The following KLHL29 variants were observed in gnomAD, a reference collection of about 807,000 sequenced individuals.
KLHL29 encodes the protein kelch like family member 29, also known as kelch-like protein 29.
KLHL29 carries 21 observed loss-of-function variants against 80.4 expected under a neutral mutation model. The observed-to-expected ratio is 0.26, with a 90% CI of 0.19 to 0.38. KLHL29 has a LOEUF of 0.38. Among genes scored for constraint, KLHL29 ranks in the 10% least tolerant of loss-of-function variants. The pLI, the probability that KLHL29 is intolerant of heterozygous loss-of-function variation, is 1.00. For missense variants in KLHL29, 867 were observed against 1,223.9 expected (o/e 0.71, Z 4.35); for synonymous variants, 511 against 526.8 (o/e 0.97, Z 0.41).
chr2:23,446,849 A>AG, intron 1 of KLHL29, among the ~76,000 whole-genome samples: 1 of 152,340 alleles, frequency 6.6e-6, no homozygotes, highest in East Asian at 1.9e-4. Context: ...GAAGGAAGGG[A>AG]ATCACATAAG....
chr2:23,452,191 CTT>C (rs34487052), intron 1 of KLHL29, among the ~76,000 whole-genome samples: 5 of 140,450 alleles, frequency 3.6e-5, no homozygotes, highest in Admixed American at 2.8e-4. Context: ...AAATTTTTTT[CTT>C]TTTTTTTTTT....
intron 2 of KLHL29, among the ~76,000 whole-genome samples, chr2:23,559,713 C>T (rs192063604): frequency 6.6e-6 from 1 of 151,610 alleles, no homozygotes; most frequent in South Asian, 2.1e-4. Flanking sequence ...GGAAGGTGTG[C>T]GGCAGGCTGC....
chr2:23,409,943 G>C (rs1666822341), intron 1 of KLHL29, among the ~76,000 whole-genome samples: 1 of 152,182 alleles, frequency 6.6e-6, no homozygotes, highest in South Asian at 2.1e-4. Context: ...TGGGGAAGGA[G>C]CAGGGATGAT....
At chr2:23,519,463 A>C (rs1666032203) in intron 2 of KLHL29, among the ~76,000 whole-genome samples, 1 of 151,982 alleles carries the variant, frequency 6.6e-6, no homozygotes, top group Admixed American at 6.6e-5. Context: ...CACACCCTCC[A>C]ACTCTGGCCA....
intron 1 of KLHL29, among the ~76,000 whole-genome samples, chr2:23,415,255 G>A (rs1468357200): frequency 6.6e-6 from 1 of 152,212 alleles, no homozygotes; most frequent in Non-Finnish European, 1.5e-5. Context: ...TGCAAGACGG[G>A]CTTAGCTTCC....
At chr2:23,419,244 C>T (rs936245831) in intron 1 of KLHL29, among the ~76,000 whole-genome samples, 8 of 152,232 alleles carry the variant, frequency 5.3e-5, no homozygotes, top group African/African-American at 1.7e-4. Flanking sequence ...CTGGCCCCGC[C>T]CTCTGGCCAG....
chr2:23,666,434 C>T (rs577255329), intron 5 of KLHL29, among the ~76,000 whole-genome samples: 11 of 152,042 alleles, frequency 7.2e-5, no homozygotes, highest in Non-Finnish European at 1.6e-4. Flanking sequence ...CTATAGTGTG[C>T]GGTGACCTGT....
intron 6 of KLHL29, among the ~76,000 whole-genome samples, chr2:23,685,980 G>T (rs1290454590): frequency 6.6e-6 from 1 of 152,258 alleles, no homozygotes; most frequent in African/African-American, 2.4e-5. Context: ...GGTGAGAGGA[G>T]CACAGGGCCC....
At chr2:23,698,095 G>A (rs867336741) in intron 11 of KLHL29, among the ~76,000 whole-genome samples, 1 of 152,222 alleles carries the variant, frequency 6.6e-6, no homozygotes, top group Non-Finnish European at 1.5e-5. Context: ...CAGGGTCCTG[G>A]AGCAGTTCTC....
At chr2:23,630,821 T>C (rs1346710015) in intron 3 of KLHL29, among the ~76,000 whole-genome samples, 1 of 152,154 alleles carries the variant, frequency 6.6e-6, no homozygotes, top group Non-Finnish European at 1.5e-5. Flanking sequence ...CTGGCCCTTA[T>C]TATTCTCATC....
intron 2 of KLHL29, among the ~76,000 whole-genome samples, chr2:23,522,065 T>G (rs983345641): frequency 1.3e-5 from 2 of 152,228 alleles, no homozygotes; most frequent in Non-Finnish European, 2.9e-5. Context: ...TTAGAATTGT[T>G]TGCAAAGGAA....
intron 2 of KLHL29, among the ~76,000 whole-genome samples, chr2:23,519,530 C>T (rs1195615809): frequency 6.6e-6 from 1 of 152,150 alleles, no homozygotes; most frequent in East Asian, 1.9e-4. Flanking sequence ...TATTTAGGAG[C>T]TGTCAGCAGA....
At chr2:23,651,880 G>T (rs958690018) in intron 5 of KLHL29, among the ~76,000 whole-genome samples, 2 of 152,082 alleles carry the variant, frequency 1.3e-5, no homozygotes, top group Non-Finnish European at 2.9e-5. Context: ...CCTCTTCTTA[G>T]AAGGACAGCA....
intron 1 of KLHL29, among the ~76,000 whole-genome samples, chr2:23,386,262 T>C (rs1016703839): frequency 4.6e-5 from 7 of 152,060 alleles, no homozygotes; most frequent in African/African-American, 1.7e-4. Flanking sequence ...GGTGCGCGCC[T>C]CTGTGCAGCG....
chr2:23,441,150 TA>T (rs1663505881), intron 1 of KLHL29, among the ~76,000 whole-genome samples: 3 of 151,990 alleles, frequency 2.0e-5, no homozygotes, highest in Non-Finnish European at 2.9e-5. Context: ...TATGCAGCCA[TA>T]AAAAATGATG....
Position 23,525,629 on chromosome 2 carries a change from G to A in KLHL29, c.-45-36523G>A, listed in dbSNP as rs562525463. The stretch of plus-strand genomic sequence containing the variant: ...CCCAGACCCCCGTCCTGAGCTTGGC[G>A]GCGAGGGGCCTGGTTTTGCCCTGCC... On this transcript the variant is annotated intron_variant, in intron 2 of 13. Coordinates refer to ENST00000486442, the MANE Select transcript of KLHL29 (RefSeq NM_052920.2). 3.9e-5 allele frequency among the ~76,000 whole-genome samples: 6 copies of A among 152,290 alleles called. No individual in the cohort carries two copies. The South Asian group carries it at 6.2e-4, about 16-fold the overall frequency.
At chr2:23,433,096 T>C (rs867551590) in intron 1 of KLHL29, among the ~76,000 whole-genome samples, 35 of 152,156 alleles carry the variant, frequency 2.3e-4, no homozygotes, top group African/African-American at 8.2e-4. Flanking sequence ...CCTCCTGCCG[T>C]CTGGCCGGTG....
chr2:23,452,064 T>A (rs954605201), intron 1 of KLHL29, among the ~76,000 whole-genome samples: 8 of 151,912 alleles, frequency 5.3e-5, no homozygotes, highest in African/African-American at 1.5e-4. Flanking sequence ...CAGTCTAGAG[T>A]GCAGTGGTGC....
intron 1 of KLHL29, among the ~76,000 whole-genome samples, chr2:23,450,872 A>G (rs1235529101): frequency 1.3e-5 from 2 of 151,960 alleles, no homozygotes; most frequent in East Asian, 3.9e-4. Context: ...TCAAAAAGAA[A>G]CCCCATACAC....
Sources: allele counts gnomAD v4.1 joint callset (sites outside exome capture counted in the v4.1 genomes callset), GRCh38; gene constraint gnomAD v4.1.1; transcripts MANE v1.5; gene names NCBI Gene and HGNC (gene_info 2026-07-23, HGNC 2026-07-21).